Variants in THSD7A observed in about 807,000 individuals in gnomAD.
THSD7A encodes the protein thrombospondin type-1 domain-containing protein 7A.
THSD7A carries 96 observed loss-of-function variants against 231.3 expected under a neutral mutation model. That is an observed-to-expected ratio of 0.41 (90% CI 0.35 to 0.49). The LOEUF (loss-of-function observed/expected upper bound fraction) is 0.49. THSD7A is among the 20% of genes least tolerant of loss of function. The pLI is 0.05. For synonymous variants in THSD7A, 940 were observed against 743.3 expected, an observed-to-expected ratio of 1.26 and a Z score of -4.30; for missense variants, 2,290 against 2,070.2, an observed-to-expected ratio of 1.11 and a Z score of -2.06.
At chr7:11,543,359 C>G (rs1169144679) in intron 4 of THSD7A, among the ~76,000 whole-genome samples, 1 of 152,184 alleles carries the variant, frequency 6.6e-6, no homozygotes, top group African/African-American at 2.4e-5. Context: ...ACCAGTTTTA[C>G]CATTAATTGG....
rs78396331 is a variant in THSD7A, at chr7:11,634,301, A to G, written c.1022+1829T>C. On this transcript the variant is annotated intron_variant, in intron 2 of 27. Transcript: ENST00000423059. This position sits in a 1 kb window ranked among gnomAD's most constrained non-coding sequence, Gnocchi z 4.1. ...GTTTTAAATATGTTTGTTTAATTCA[A>G]ACAACTGGATGAGAATATTAGGCTC... 1.1e-4 allele frequency among the ~76,000 whole-genome samples: 16 copies of G among 152,288 alleles called. No homozygotes were observed. The East Asian group carries it at 3.1e-3, about 29-fold the overall frequency.
intron 4 of THSD7A, among the ~76,000 whole-genome samples, chr7:11,556,970 A>G (rs2128328056): frequency 6.6e-6 from 1 of 152,200 alleles, no homozygotes; most frequent in Admixed American, 6.6e-5. Context: ...GAATTCATCC[A>G]GCTTCTTGAA....
rs116685025 is a variant in THSD7A, at chr7:11,737,112, A to C, written c.190+94645T>G. Among the ~76,000 whole-genome samples, 1,351 of 152,152 alleles carry C rather than the reference A, an allele frequency of 8.9e-3. 24 individuals are homozygous for C. Among genetic ancestry groups the C allele is most frequent in the African/African-American group, 0.031 (1,278 of 41,542 alleles). On this transcript the variant is annotated intron_variant, in intron 1 of 27. Coordinates refer to ENST00000423059, the MANE Select transcript of THSD7A (RefSeq NM_015204.3). ...TCAATTAAACTCCTTTCCCTTATAA[A>C]TTACTCAGTCTTGGGTATGTCATTA...
intron 1 of THSD7A, chr7:11,821,359 T>C (rs1242941259): frequency 1.4e-5 from 9 of 635,962 alleles, no homozygotes; most frequent in Non-Finnish European, 2.6e-5. Flanking sequence ...ACTAATTTGA[T>C]GACTTTTTAT....
chr7:11,544,324 G>C (rs1311588737), intron 4 of THSD7A, among the ~76,000 whole-genome samples: 1 of 151,978 alleles, frequency 6.6e-6, no homozygotes, highest in African/African-American at 2.4e-5. Context: ...CCTGGCAACA[G>C]AGCGAGACAC....
At chr7:11,587,563 T>G (rs947966148) in intron 4 of THSD7A, among the ~76,000 whole-genome samples, 4 of 152,198 alleles carry the variant, frequency 2.6e-5, no homozygotes, top group Non-Finnish European at 5.9e-5. Context: ...GATGATATAA[T>G]TCTACTGACA....
Position 11,474,611 on chromosome 7 carries a change from C to A in THSD7A, c.2018-43G>T. The A allele has an allele frequency of 6.7e-7, 1 of 1,491,250 alleles. No individual in the cohort carries two copies. Among genetic ancestry groups the A allele is most frequent in the Non-Finnish European group, 9.2e-7 (1 of 1,086,434 alleles). The allele number at this position is 1,491,250 out of a possible 1,614,324, so 92.4% of individuals were successfully genotyped here. ...GATAGCAAATTAGATACGGTGCCAA[C>A]AGGAACCTTACCATACTCTGTTCTT... On this transcript the variant is annotated intron_variant, in intron 7 of 27. Coordinates refer to ENST00000423059, the MANE Select transcript of THSD7A (RefSeq NM_015204.3). This position sits in a 1 kb window ranked among gnomAD's most constrained non-coding sequence, Gnocchi z 4.1.
At chr7:11,469,423 A>T (rs571233742) in intron 9 of THSD7A, among the ~76,000 whole-genome samples, 30 of 152,256 alleles carry the variant, frequency 2.0e-4, no homozygotes, top group Admixed American at 1.2e-3. Context: ...GCAGAGAAAC[A>T]ATTTGGCCAT....
chr7:11,749,709 C>T (rs1434953389), intron 1 of THSD7A, among the ~76,000 whole-genome samples: 1 of 151,936 alleles, frequency 6.6e-6, no homozygotes, highest in Non-Finnish European at 1.5e-5. Context: ...TCCAAGCATA[C>T]CGGGAGCTAT....
intron 4 of THSD7A, among the ~76,000 whole-genome samples, chr7:11,579,274 G>A (rs1417521976): frequency 2.0e-5 from 3 of 152,146 alleles, no homozygotes; most frequent in African/African-American, 7.2e-5. Context: ...GGAGAGAGTA[G>A]CTACTCCCTA....
chr7:11,438,547 G>C (rs1784703908), intron 13 of THSD7A, among the ~76,000 whole-genome samples: 1 of 151,944 alleles, frequency 6.6e-6, no homozygotes, highest in Non-Finnish European at 1.5e-5. Flanking sequence ...ACTAGGCAAA[G>C]AGAGAAAACA....
chr7:11,449,363 C>T (rs762716742), intron 11 of THSD7A, among the ~76,000 whole-genome samples: 3 of 151,980 alleles, frequency 2.0e-5, no homozygotes, highest in Non-Finnish European at 4.4e-5. Context: ...GCTATGGGGT[C>T]AGGAATATGC....
intron 1 of THSD7A, among the ~76,000 whole-genome samples, chr7:11,709,630 C>T (rs1420032576): frequency 3.3e-5 from 5 of 150,846 alleles, no homozygotes; most frequent in Non-Finnish European, 7.4e-5. Context: ...CCTTAACAGA[C>T]ACATATGTAG....
intron 1 of THSD7A, among the ~76,000 whole-genome samples, chr7:11,712,253 G>A (rs1780992475): frequency 6.6e-6 from 1 of 150,968 alleles, no homozygotes; most frequent in South Asian, 2.1e-4. Flanking sequence ...TGGGTGATGG[G>A]CTGATCCTGT....
At chr7:11,492,195 T>C (rs1270846462) in intron 6 of THSD7A, among the ~76,000 whole-genome samples, 2 of 152,016 alleles carry the variant, frequency 1.3e-5, no homozygotes, top group South Asian at 2.1e-4. Context: ...AAAGACCCCA[T>C]GGACTGGAAG....
At chr7:11,670,358 G>T (rs747377868) in intron 1 of THSD7A, among the ~76,000 whole-genome samples, 1 of 152,166 alleles carries the variant, frequency 6.6e-6, no homozygotes, top group East Asian at 1.9e-4. Context: ...AGGTTTAAGG[G>T]CCTGAGGCTG....
At chr7:11,497,475 A>G (rs1449142013) in intron 6 of THSD7A, among the ~76,000 whole-genome samples, 1 of 152,176 alleles carries the variant, frequency 6.6e-6, no homozygotes, top group Non-Finnish European at 1.5e-5. Context: ...GAATAAGGTA[A>G]CTCCTGAGAA....
chr7:11,465,447 G>A (rs1785665019), intron 9 of THSD7A, among the ~76,000 whole-genome samples: 1 of 151,990 alleles, frequency 6.6e-6, no homozygotes, highest in African/African-American at 2.4e-5. Flanking sequence ...TGATGATGGG[G>A]TACACAGATT....
intron 19 of THSD7A, among the ~76,000 whole-genome samples, chr7:11,410,784 A>T (rs1178194574): frequency 2.0e-5 from 3 of 152,084 alleles, no homozygotes; most frequent in African/African-American, 7.2e-5. Flanking sequence ...ATTAGATCCT[A>T]ATATCAAAAT....
Sources: gnomAD v4.1 joint callset for allele counts (sites outside exome capture counted in the v4.1 genomes callset) on GRCh38, gnomAD v4.1.1 for gene constraint, Gnocchi (gnomAD v3.1) non-coding constraint, MANE v1.5 for transcripts, NCBI Gene and HGNC (gene_info 2026-07-23, HGNC 2026-07-21) for gene names.